The following CAPN14 variants were observed in gnomAD, a reference collection of about 807,000 sequenced individuals.
CAPN14 encodes the protein calpain-14.
A neutral mutation model predicts 101.3 loss-of-function variants in CAPN14; 94 were observed. The ratio of observed to expected loss-of-function variants is 0.93; its 90% confidence interval spans 0.79 to 1.10. The LOEUF (loss-of-function observed/expected upper bound fraction) is 1.10, where lower values mean the gene tolerates loss of function less well. Ranked by LOEUF, CAPN14 falls within the 50% of genes least tolerant of loss-of-function variation. CAPN14 has a pLI of 0.00. For missense variants in CAPN14, 837 were observed against 828.4 expected, an observed-to-expected ratio of 1.01 and a Z score of -0.13; for synonymous variants, 338 against 317.9, an observed-to-expected ratio of 1.06 and a Z score of -0.67.
chr2:31,231,627 T>C (rs1032377650), intron 1 of CAPN14, among the ~76,000 whole-genome samples: 2 of 152,216 alleles, frequency 1.3e-5, no homozygotes, highest in Non-Finnish European at 2.9e-5. Flanking sequence ...CAACACGCAC[T>C]TGGTAAATTA....
chr2:31,200,399 G>C, intron 6 of CAPN14, 52 bp downstream of exon 6: 1 of 1,475,252 alleles, frequency 6.8e-7, no homozygotes, highest in Non-Finnish European at 9.2e-7. Flanking sequence ...GGTGGATGGA[G>C]GGCATGGGTG....
At chr2:31,233,716 G>C (rs138340361) in intron 1 of CAPN14, 123 of 151,800 alleles carry the variant, frequency 8.1e-4, no homozygotes, top group African/African-American at 2.6e-3. Flanking sequence ...TGACAGTTTT[G>C]GTTATTTTGT....
chr2:31,213,302 A>G (rs1293944093), intron 1 of CAPN14, among the ~76,000 whole-genome samples: 1 of 152,226 alleles, frequency 6.6e-6, no homozygotes, highest in Non-Finnish European at 1.5e-5. Flanking sequence ...GTGTGAAAAG[A>G]CTTGACAAAA....
At position 31,203,534 on chromosome 2, in the gene CAPN14, T is replaced by C. The variant is rs564175933; in HGVS notation, c.226-395A>G. ...TCCTGACCCCTAATATGATGTTCTT[T>C]TTGGCTTTTCCTGATGCGATGCAGC... is the stretch of plus-strand genomic sequence containing the variant. On this transcript the variant is annotated intron_variant, in intron 2 of 21. Transcript: ENST00000403897. Among the ~76,000 whole-genome samples, 19 of 152,322 alleles carry C rather than the reference T, an allele frequency of 1.2e-4. No homozygotes were observed. The South Asian group carries it at 2.7e-3, about 22-fold the overall frequency.
At chr2:31,218,255 C>G (rs1457958359), upstream of CAPN14, among the ~76,000 whole-genome samples, 1 of 134,086 alleles carries the variant, frequency 7.5e-6, no homozygotes. Flanking sequence ...AAATCCTTCT[C>G]CTAGGTTCCC....
chr2:31,185,678 C>G (rs933624151), intron 16 of CAPN14, among the ~76,000 whole-genome samples: 1 of 152,132 alleles, frequency 6.6e-6, no homozygotes, highest in Admixed American at 6.6e-5. Flanking sequence ...CTTTGAGAAG[C>G]CTTTTGCAAA....
chr2:31,177,564 A>C (rs938629726), intron 19 of CAPN14, among the ~76,000 whole-genome samples, 182 bp downstream of exon 19: 1 of 152,212 alleles, frequency 6.6e-6, no homozygotes, highest in African/African-American at 2.4e-5. Flanking sequence ...CCCCTCCATC[A>C]ATGTTGGCTA....
chr2:31,216,381 G>A (rs1037530329), intron 1 of CAPN14, among the ~76,000 whole-genome samples: 2 of 152,102 alleles, frequency 1.3e-5, no homozygotes, highest in Non-Finnish European at 2.9e-5. Context: ...AAAAGTGGGA[G>A]AATCAATTCA....
At chr2:31,204,305 G>C (rs775894086) in intron 2 of CAPN14, among the ~76,000 whole-genome samples, 11 of 152,190 alleles carry the variant, frequency 7.2e-5, no homozygotes, top group African/African-American at 1.7e-4. Context: ...GTGTGATATT[G>C]TGAAATATAT....
At chr2:31,196,867 A>G (rs908203343) in intron 8 of CAPN14, among the ~76,000 whole-genome samples, 1 of 152,220 alleles carries the variant, frequency 6.6e-6, no homozygotes, top group African/African-American at 2.4e-5. Context: ...CCCAGGCACC[A>G]AAGACCTTGG....
intron 1 of CAPN14, among the ~76,000 whole-genome samples, chr2:31,231,562 C>T (rs1683192399): frequency 6.6e-6 from 1 of 152,076 alleles, no homozygotes; most frequent in African/African-American, 2.4e-5. Flanking sequence ...CCATTAGTTC[C>T]TTTTTTAAAC....
rs1400946186 is a variant in CAPN14 at position 31,177,022 on chromosome 2, T to C, written c.1972+4A>G. 1 of 1,548,494 alleles carries C rather than the reference T, an allele frequency of 6.5e-7. No individual in the cohort carries two copies. The highest frequency in any genetic ancestry group is 2.4e-5 in the East Asian group (1 of 40,888). On this transcript the variant is annotated splice_donor_region_variant and intron_variant, in intron 20 of 21. Coordinates refer to ENST00000403897, the MANE Select transcript of CAPN14 (RefSeq NM_001145122.2). ...TGGCCCTCCCCAGCTTCCCGCCAGC[T>C]TACCCTCCATGTTCTCTACACGCAG...
chr2:31,177,843 G>A, intron 18 of CAPN14, 22 bp from the exon 19 acceptor site: 1 of 1,542,202 alleles, frequency 6.5e-7, no homozygotes, highest in Non-Finnish European at 8.8e-7. Flanking sequence ...CAAATAAGAG[G>A]TTCAGGAAGC....
chr2:31,187,675 G>C, intron 15 of CAPN14, 83 bp downstream of exon 15: 1 of 1,241,422 alleles, frequency 8.1e-7, no homozygotes, highest in Non-Finnish European at 1.1e-6. Flanking sequence ...CCTCAAGCAG[G>C]TGCAAACCTA....
At chr2:31,191,346 C>A (rs1294458275) in intron 12 of CAPN14, 53 bp downstream of exon 12, 1 of 1,521,676 alleles carries the variant, frequency 6.6e-7, no homozygotes, top group Non-Finnish European at 8.8e-7. Flanking sequence ...GGAGGCTTGG[C>A]CACATGTGAT....
intron 2 of CAPN14, among the ~76,000 whole-genome samples, chr2:31,204,613 G>A (rs1308917841): frequency 6.6e-6 from 1 of 152,076 alleles, no homozygotes; most frequent in Non-Finnish European, 1.5e-5. Context: ...AAACCCAAAA[G>A]GACAGGGTGT....
intron 8 of CAPN14, among the ~76,000 whole-genome samples, chr2:31,196,291 C>G (rs764419552): frequency 2.3e-4 from 35 of 152,168 alleles, no homozygotes; most frequent in African/African-American, 7.0e-4. Context: ...TTGTACCCAT[C>G]ATCTATCTCT....
chr2:31,208,938 A>G (rs903135471), intron 1 of CAPN14, among the ~76,000 whole-genome samples: 2 of 152,102 alleles, frequency 1.3e-5, no homozygotes, highest in Non-Finnish European at 2.9e-5. Flanking sequence ...ATAAGCTGCC[A>G]GGTTGTTCTG....
chr2:31,177,186 A>AAG, intron 19 of CAPN14, 44 bp from the exon 20 acceptor site: 2 of 1,343,912 alleles, frequency 1.5e-6, no homozygotes, highest in Non-Finnish European at 2.1e-6. Flanking sequence ...GGGGGCTTGC[A>AAG]CCCAGCTCCC....
Sources: gnomAD v4.1 joint callset for allele counts (sites outside exome capture counted in the v4.1 genomes callset) on GRCh38, gnomAD v4.1.1 for gene constraint, MANE v1.5 for transcripts, NCBI Gene and HGNC (gene_info 2026-07-23, HGNC 2026-07-21) for gene names.